The following STK24 variants were observed in gnomAD, a reference collection of about 807,000 sequenced individuals.
STK24 encodes serine/threonine-protein kinase 24.
In STK24, 21 loss-of-function variants were observed where a neutral mutation model predicts 55.6. The ratio of observed to expected loss-of-function variants is 0.38; its 90% CI spans 0.27 to 0.54. STK24 has a LOEUF of 0.54. Among genes scored for constraint, STK24 ranks in the 20% least tolerant of loss-of-function variants. The pLI is 0.79. For synonymous variants in STK24, 200 were observed against 215.2 expected (o/e 0.93, Z 0.62); for missense variants, 383 against 538.4 (o/e 0.71, Z 2.86).
rs1280563089 is a variant in STK24, at chr13:98,449,067, G to C, written c.*4106C>G. On this transcript the variant is annotated 3_prime_UTR_variant, in exon 11 of 11. Transcript: ENST00000539966. ...CTGGACTGTCACCGTCCTGTGAGTG[G>C]TGTACACAATGGGAAGATAATAAGC... 2 of 152,192 alleles carry C rather than the reference G, an allele frequency of 1.3e-5. No individual in the cohort carries two copies. The highest frequency in any genetic ancestry group is 4.8e-5 in the African/African-American group (2 of 41,422). 9.4% of individuals were successfully genotyped at this position (152,192 alleles called of 1,614,324 possible).
rs545639210 is a variant in STK24 at position 98,482,594 on chromosome 13, A to G, written c.274-273T>C. Among the ~76,000 whole-genome samples, 1,121 of 152,310 alleles carry G rather than the reference A, an allele frequency of 7.4e-3. 14 individuals carry two copies. The highest frequency in any genetic ancestry group is 0.025 in the African/African-American group (1,049 of 41,560). On this transcript the variant is annotated intron_variant, in intron 2 of 10. Transcript: ENST00000539966. The stretch of plus-strand genomic sequence containing the variant: ...GGGCATGCGTTCCACCGACTGCCCC[A>G]GGATCTCAGAAAGCAGACTGGGTGT...
At chr13:98,461,969 G>A (rs1489577591) in intron 7 of STK24, 72 bp from the exon 8 acceptor site, 11 of 1,586,572 alleles carry the variant, frequency 6.9e-6, no homozygotes, top group Admixed American at 1.7e-5. Flanking sequence ...ACGTTCAGGG[G>A]GAGGCCGCCT....
intron 3 of STK24, among the ~76,000 whole-genome samples, chr13:98,478,773 G>T (rs959671605): frequency 6.6e-6 from 1 of 152,182 alleles, no homozygotes; most frequent in Non-Finnish European, 1.5e-5. Context: ...TTTGTAATTA[G>T]ATTCCAAGGT....
chr13:98,551,229 T>A (rs1430289994), intron 1 of STK24, among the ~76,000 whole-genome samples: 1 of 150,164 alleles, frequency 6.7e-6, no homozygotes, highest in Non-Finnish European at 1.5e-5. Flanking sequence ...GAGCTTGCAG[T>A]GAGCCGAGAT....
At chr13:98,539,675 T>C (rs901352879) in intron 1 of STK24, among the ~76,000 whole-genome samples, 1 of 152,218 alleles carries the variant, frequency 6.6e-6, no homozygotes, top group Non-Finnish European at 1.5e-5. Flanking sequence ...TGGCAACTTT[T>C]TACTGCTTTG....
chr13:98,552,570 T>C (rs990133351), intron 1 of STK24, among the ~76,000 whole-genome samples: 1 of 152,172 alleles, frequency 6.6e-6, no homozygotes, highest in Non-Finnish European at 1.5e-5. Flanking sequence ...CGAAGTGAAT[T>C]GGGGAGCAGA....
Position 98,488,805 on chromosome 13 carries a change from T to TA in STK24, c.274-6485dup, listed in dbSNP as rs373575793. On this transcript the variant is annotated intron_variant, in intron 2 of 10. Coordinates refer to ENST00000539966, the MANE Select transcript of STK24 (RefSeq NM_001032296.4). ...AGAGGTCACACGAACCCACCAAGGT[T>TA]AAAAAAAAAGACAAACGAGAAAGGG... Among the ~76,000 whole-genome samples the TA allele has an allele frequency of 3.0e-3, 449 of 150,892 alleles. 7 individuals are homozygous for TA. The highest frequency in any genetic ancestry group is 9.8e-3 in the African/African-American group (403 of 41,118).
chr13:98,557,253 A>C (rs1299480379), intron 1 of STK24, among the ~76,000 whole-genome samples: 1 of 152,230 alleles, frequency 6.6e-6, no homozygotes. Flanking sequence ...CTCAGTCTCT[A>C]GCCTGAACTC....
chr13:98,475,010 G>T lies in STK24; in HGVS notation c.440-32C>A. On this transcript the variant is annotated intron_variant, in intron 4 of 10. Coordinates refer to ENST00000539966, the MANE Select transcript of STK24 (RefSeq NM_001032296.4). ...AAGAAAGCCAAGGCGGCCCTGGGCG[G>T]TGCGGACTTACAACTCCGTGCACTG... is the stretch of plus-strand genomic sequence containing the variant. The T allele has an allele frequency of 1.9e-6, 3 of 1,581,242 alleles. No individual in the cohort carries two copies. In the African/African-American group the frequency reaches 4.1e-5, roughly 21 times the overall value.
At chr13:98,479,794 C>T (rs916488166) in intron 3 of STK24, among the ~76,000 whole-genome samples, 1 of 152,218 alleles carries the variant, frequency 6.6e-6, no homozygotes, top group Non-Finnish European at 1.5e-5. Flanking sequence ...CAGCTCCCAG[C>T]CTACCTCCAA....
rs192668284 is a variant in STK24 at position 98,480,201 on chromosome 13, T to C, written c.330+2064A>G. ...AGAGTTTTACCCTTCCTTCCAACTGTAATATCTAAAATTTCACAGACTGCA... is the reference window on the plus strand; with the variant it reads ...AGAGTTTTACCCTTCCTTCCAACTGCAATATCTAAAATTTCACAGACTGCA... On this transcript the variant is annotated intron_variant, in intron 3 of 10. Transcript: ENST00000539966. Among the ~76,000 whole-genome samples the C allele has an allele frequency of 3.3e-4, 51 of 152,352 alleles. No individual in the cohort carries two copies. In the East Asian group the frequency reaches 3.7e-3, roughly 11 times the overall value.
At chr13:98,545,396 C>T (rs1420101531) in intron 1 of STK24, among the ~76,000 whole-genome samples, 1 of 152,054 alleles carries the variant, frequency 6.6e-6, no homozygotes, top group East Asian at 1.9e-4. Context: ...CCTGTAATCC[C>T]GGCACTTTGG....
In STK24 at chr13:98,446,561, G is replaced by A. The variant is rs1246994291; in HGVS notation, c.*6612C>T. The A allele has an allele frequency of 6.6e-6, 8 of 1,216,784 alleles. No individual in the cohort carries two copies. Among genetic ancestry groups the A allele is most frequent in the African/African-American group, 1.5e-5 (1 of 67,694 alleles). 75.4% of individuals were successfully genotyped at this position (1,216,784 alleles called of 1,614,324 possible). ...CCCTTCCAGGCCCACGCCCGAGGAG[G>A]GAGCTGCCTGGGCTCCCAAGTCCCT... On this transcript the variant is annotated 3_prime_UTR_variant, in exon 11 of 11. Transcript: ENST00000539966.
chr13:98,513,418 C>T (rs1387182890), intron 2 of STK24, among the ~76,000 whole-genome samples: 7 of 152,178 alleles, frequency 4.6e-5, no homozygotes, highest in Non-Finnish European at 7.3e-5. Flanking sequence ...ATCCTGTGGA[C>T]GTGATAAGCA....
chr13:98,494,460 T>C (rs530473199), intron 2 of STK24, among the ~76,000 whole-genome samples: 1 of 142,064 alleles, frequency 7.0e-6, no homozygotes, highest in East Asian at 2.2e-4. Context: ...GGAAAAATTA[T>C]GGAATGAGCT....
intron 1 of STK24, among the ~76,000 whole-genome samples, chr13:98,563,015 G>C (rs755431556): frequency 2.4e-4 from 36 of 152,062 alleles, no homozygotes; most frequent in South Asian, 8.3e-4. Flanking sequence ...GTATATTTGG[G>C]GGTTGGGAAG....
rs1479558300 is a variant in STK24, at chr13:98,448,567, T to G, written c.*4606A>C. On this transcript the variant is annotated 3_prime_UTR_variant, in exon 11 of 11. Transcript: ENST00000539966. ...TTAGCTAGTGCCAGTATTAAAACAT[T>G]GTCATTACGAGAGTGCCAAATGACA... 1 of 486,632 alleles carries G rather than the reference T, an allele frequency of 2.1e-6. No homozygotes were observed. Among genetic ancestry groups the G allele is most frequent in the Non-Finnish European group, 3.7e-6 (1 of 271,870 alleles). 30.1% of individuals were successfully genotyped at this position (486,632 alleles called of 1,614,324 possible). A position where few individuals can be genotyped will look rare whatever the true frequency, so the allele number is the denominator to read the frequency against.
At chr13:98,558,442 A>G (rs1897330269) in intron 1 of STK24, among the ~76,000 whole-genome samples, 1 of 152,164 alleles carries the variant, frequency 6.6e-6, no homozygotes, top group Non-Finnish European at 1.5e-5. Context: ...CAACACCAGG[A>G]GGGCACTACA....
At chr13:98,520,717 T>G (rs928947207) in intron 1 of STK24, among the ~76,000 whole-genome samples, 2 of 152,200 alleles carry the variant, frequency 1.3e-5, no homozygotes, top group African/African-American at 4.8e-5. Context: ...TGAGACACAC[T>G]GAGTTCCGAG....
Sources: allele counts gnomAD v4.1 joint callset (sites outside exome capture counted in the v4.1 genomes callset), GRCh38; gene constraint gnomAD v4.1.1; transcripts MANE v1.5; gene names NCBI Gene and HGNC (gene_info 2026-07-23, HGNC 2026-07-21).